Variants in SASS6 observed in about 807,000 individuals in gnomAD.
SASS6 encodes SAS-6 centriolar assembly protein.
A neutral mutation model predicts 94.9 loss-of-function variants in SASS6; 59 were observed. That is an observed-to-expected ratio of 0.62 (90% CI 0.50 to 0.77). The LOEUF (loss-of-function observed/expected upper bound fraction) is 0.77. SASS6 is among the 30% of genes least tolerant of loss of function. The probability of loss-of-function intolerance (pLI) is 0.00; values close to 1 mark genes in which losing one functional copy is unlikely to be tolerated. For missense variants in SASS6, 698 were observed against 734.1 expected (o/e 0.95, Z 0.57); for synonymous variants, 264 against 270.0 (o/e 0.98, Z 0.22).
chr1:100,129,227 A>G (rs558339366), intron 1 of SASS6, among the ~76,000 whole-genome samples: 371 of 152,116 alleles, frequency 2.4e-3, no homozygotes, highest in Non-Finnish European at 4.4e-3. Context: ...ACAGAGTGAC[A>G]GCCTCTCTCT....
chr1:100,090,606 A>G lies in SASS6; in HGVS notation c.1675-2370T>C, dbSNP rs373783258. Among the ~76,000 whole-genome samples the G allele has an allele frequency of 3.7e-4, 56 of 152,272 alleles. 1 individual carries two copies. In the South Asian group the frequency reaches 0.011, roughly 30 times the overall value. ...ACTAAAACTTTGAAGGAGGGGAATC[A>G]TATTTTCCTACCAAAGGCACTGTGG... is the stretch of plus-strand genomic sequence containing the variant. On this transcript the variant is annotated intron_variant, in intron 14 of 16. Coordinates refer to ENST00000287482, the MANE Select transcript of SASS6 (RefSeq NM_194292.3).
rs374655631 is a variant in SASS6 at position 100,121,402 on chromosome 1, G to A, written c.459C>T (p.Leu153=). 45 of 1,577,786 alleles carry A rather than the reference G, an allele frequency of 2.9e-5. No homozygotes were observed. Among genetic ancestry groups the A allele is most frequent in the Middle Eastern group, 1.7e-4 (1 of 5,940 alleles). Residue 153 remains leucine (L), a synonymous_variant, in exon 5 of 17, where the codon CTC becomes CTT. Coordinates refer to ENST00000287482, the MANE Select transcript of SASS6 (RefSeq NM_194292.3). ...PGNDVEIKKF[L]AGCLKCSKEE... ...CCTTGCTACATTTCAAACAGCCTGC[G>A]AGAAATTTCTTTATCTCCACATCAT...
chr1:100,100,561 T>C (rs975242789), intron 14 of SASS6, among the ~76,000 whole-genome samples: 1 of 152,250 alleles, frequency 6.6e-6, no homozygotes, highest in African/African-American at 2.4e-5. Flanking sequence ...ATTTGTTCTA[T>C]TTGTCAGAAC....
chr1:100,129,958 A>G (rs984584218), intron 1 of SASS6, among the ~76,000 whole-genome samples: 2 of 152,224 alleles, frequency 1.3e-5, no homozygotes, highest in African/African-American at 4.8e-5. Context: ...ATTAATACCT[A>G]AAATTTAGTG....
chr1:100,088,898 A>G (rs1651490709), intron 14 of SASS6, among the ~76,000 whole-genome samples: 1 of 152,100 alleles, frequency 6.6e-6, no homozygotes, highest in African/African-American at 2.4e-5. Flanking sequence ...TCAACAATGT[A>G]ACACTCACAA....
At chr1:100,108,634 A>T (rs974326856) in intron 8 of SASS6, among the ~76,000 whole-genome samples, 1 of 152,116 alleles carries the variant, frequency 6.6e-6, no homozygotes, top group African/African-American at 2.4e-5. Flanking sequence ...AGATAGTTTT[A>T]GTTCTTAACC....
At position 100,120,436 on chromosome 1, in the gene SASS6, T is replaced by C. The variant is rs376187698; in HGVS notation, c.507A>G (p.Gln169=). Reference sequence around the variant, plus strand: ...GTTGCTTAGTAGCATCATCTAGTGATTGCATCAATGATAATTTTTCTTCCT... The same window carrying C: ...GTTGCTTAGTAGCATCATCTAGTGACTGCATCAATGATAATTTTTCTTCCT... ...CSKEEKLSLM[Q]SLDDATKQLD... The change falls in exon 6 of 17, where the codon CAA becomes CAG. Residue 169 remains glutamine (Q), a synonymous_variant. Transcript: ENST00000287482. 14 of 1,487,444 alleles carry C rather than the reference T, an allele frequency of 9.4e-6. No individual in the cohort carries two copies. The highest frequency in any genetic ancestry group is 1.9e-6 in the Non-Finnish European group (2 of 1,065,868). The allele number at this position is 1,487,444 out of a possible 1,614,324, so 92.1% of individuals were successfully genotyped here. A position where few individuals can be genotyped will look rare whatever the true frequency, so the allele number is the denominator to read the frequency against.
chr1:100,116,922 T>TA (rs1223350599), intron 7 of SASS6, among the ~76,000 whole-genome samples: 1 of 152,018 alleles, frequency 6.6e-6, no homozygotes, highest in African/African-American at 2.4e-5. Context: ...GTTACACATT[T>TA]AAAAAAATCA....
intron 14 of SASS6, among the ~76,000 whole-genome samples, chr1:100,099,811 C>A (rs927836122): frequency 1.3e-5 from 2 of 152,180 alleles, no homozygotes; most frequent in South Asian, 2.1e-4. Flanking sequence ...CATTTCCAGA[C>A]TTTGTTTTTT....
intron 1 of SASS6, among the ~76,000 whole-genome samples, chr1:100,127,797 G>C (rs1446482839): frequency 6.6e-6 from 1 of 151,040 alleles, no homozygotes; most frequent in African/African-American, 2.4e-5. Context: ...GTCCAGTCTG[G>C]GCAACACAGC....
intron 7 of SASS6, among the ~76,000 whole-genome samples, 191 bp downstream of exon 7, chr1:100,118,827 G>GA (rs980289685): frequency 2.4e-4 from 36 of 151,952 alleles, no homozygotes; most frequent in Admixed American, 1.1e-3. Flanking sequence ...AGAAAAGTCT[G>GA]AAAAAAATAC....
rs371799425 is a variant in SASS6, at chr1:100,110,375, C to T, written c.778G>A (p.Ala260Thr). 1.5e-4 allele frequency: 241 copies of T among 1,606,992 alleles called. 1 individual carries two copies. Among genetic ancestry groups the T allele is most frequent in the Middle Eastern group, 8.2e-4 (5 of 6,062 alleles). ...TTTCTTTCGGTTAAGTCTTTATTAG[C>T]CGCTTCTAACTCAGACAGTCTGTTT... ...LQNRLSELEA[A>T]NKDLTERKYK... Residue 260 changes from alanine to threonine, a missense_variant, in exon 8 of 17, where the codon GCT (alanine) becomes ACT (threonine). Physicochemically the swap from Ala to Thr is moderately conservative, Grantham distance 58. Transcript: ENST00000287482.
chr1:100,092,767 G>C (rs1312850931), intron 14 of SASS6, among the ~76,000 whole-genome samples: 1 of 152,036 alleles, frequency 6.6e-6, no homozygotes, highest in Non-Finnish European at 1.5e-5. Flanking sequence ...AGTAGAGACA[G>C]GGTTTCACTG....
intron 14 of SASS6, among the ~76,000 whole-genome samples, chr1:100,100,498 AT>A (rs1386128072): frequency 4.6e-5 from 7 of 152,244 alleles, no homozygotes; most frequent in Non-Finnish European, 1.0e-4. Flanking sequence ...GTATCCAAAA[AT>A]AAAAGAGAAA....
At chr1:100,109,224 T>C (rs913147617) in intron 8 of SASS6, among the ~76,000 whole-genome samples, 1 of 152,068 alleles carries the variant, frequency 6.6e-6, no homozygotes, top group African/African-American at 2.4e-5. Flanking sequence ...AAGACATCTA[T>C]TATTGGGGCA....
In SASS6 at chr1:100,085,405, A is replaced by C; in HGVS notation, c.1897T>G (p.Leu633Val). 6.2e-7 allele frequency: 1 copy of C among 1,613,476 alleles called. No individual in the cohort carries two copies. The highest frequency in any genetic ancestry group is 8.5e-7 in the Non-Finnish European group (1 of 1,179,430). ...DHQRDGTLGA[L>V]HTSSKPTALP... is the part of the protein sequence containing the mutation. ...GCTGTGGGTTTGGAAGATGTATGTA[A>C]TGCTCCTAAAGTGCCATCTCTCTGA... Residue 633 changes from leucine (L) to valine (V), a missense_variant, in exon 17 of 17, where the codon TTA becomes GTA. Physicochemically the swap from Leu to Val is conservative, Grantham distance 32. Transcript: ENST00000287482.
At chr1:100,110,110 C>A (rs1653193886) in intron 8 of SASS6, among the ~76,000 whole-genome samples, 182 bp downstream of exon 8, 1 of 151,954 alleles carries the variant, frequency 6.6e-6, no homozygotes, top group South Asian at 2.1e-4. Context: ...TACCTCAGTT[C>A]TGTTATGAAT....
intron 14 of SASS6, among the ~76,000 whole-genome samples, chr1:100,102,101 A>G (rs1453727988): frequency 2.0e-5 from 3 of 152,236 alleles, no homozygotes; most frequent in African/African-American, 7.2e-5. Context: ...ATTATAATAC[A>G]TAAAAAATAC....
chr1:100,114,859 T>A (rs985297400), intron 7 of SASS6, among the ~76,000 whole-genome samples: 4 of 152,250 alleles, frequency 2.6e-5, no homozygotes, highest in African/African-American at 9.6e-5. Flanking sequence ...TCTATTGTTA[T>A]AATTTACTAC....
Sources: gnomAD v4.1 joint callset for allele counts (sites outside exome capture counted in the v4.1 genomes callset) on GRCh38, gnomAD v4.1.1 for gene constraint, MANE v1.5 for transcripts, NCBI Gene and HGNC (gene_info 2026-07-23, HGNC 2026-07-21) for gene names.